Variants in PAK3 observed in about 807,000 individuals in gnomAD.
The protein encoded by PAK3 is p21 (RAC1) activated kinase 3.
Under a neutral mutation model 41.0 loss-of-function variants are expected in PAK3, and 4 were observed. The ratio of observed to expected loss-of-function variants is 0.10; its 90% confidence interval spans 0.05 to 0.22. The LOEUF is 0.22. Among genes scored for constraint, PAK3 ranks in the 10% least tolerant of loss-of-function variants. The probability of loss-of-function intolerance (pLI) is 1.00; values close to 1 mark genes in which losing one functional copy is unlikely to be tolerated. For missense variants in PAK3, 205 were observed against 409.9 expected (o/e 0.50, Z 4.32); for synonymous variants, 146 against 139.6 (o/e 1.05, Z -0.32).
chrX:111,125,713 G>A lies in PAK3; in HGVS notation c.175+2435G>A, dbSNP rs144010855. 9.8e-3 allele frequency among the ~76,000 whole-genome samples: 1,086 copies of A among 111,353 alleles called. 19 individuals carry two copies. Among genetic ancestry groups the A allele is most frequent in the African/African-American group, 0.034 (1,031 of 30,689 alleles). On this transcript the variant is annotated intron_variant, in intron 5 of 17. Transcript: ENST00000372007. Reference sequence around the variant, plus strand: ...AAATCATGTGCCATTTAATACTGTTGCTGGACAGCTGATAAAACTACCTTC... The same window carrying A: ...AAATCATGTGCCATTTAATACTGTTACTGGACAGCTGATAAAACTACCTTC...
intron 4 of PAK3, among the ~76,000 whole-genome samples, chrX:111,105,150 T>C (rs974813582): frequency 3.6e-5 from 4 of 111,489 alleles, no homozygotes. Context: ...TTAGGTACAT[T>C]CACACTGCCA....
intron 1 of PAK3, among the ~76,000 whole-genome samples, chrX:111,044,806 T>C (rs1375410354): frequency 8.9e-6 from 1 of 112,360 alleles, no homozygotes; most frequent in Non-Finnish European, 1.9e-5. Context: ...TCTTGGAATG[T>C]GTTTAAGCAG....
intron 11 of PAK3, among the ~76,000 whole-genome samples, chrX:111,174,069 G>A (rs2094378310): frequency 9.0e-6 from 1 of 111,216 alleles, no homozygotes; most frequent in Non-Finnish European, 1.9e-5. Context: ...TGTGCTAGCC[G>A]ATCAGCCATT....
In PAK3 at chrX:111,226,467, G is replaced by A. The variant is rs1050569624; in HGVS notation, c.*6020G>A. ...GTGAAGTAGTGCTGGGCTTTCTAGA[G>A]TTTAATTCTCAAGTGGCACAAGATA... is the stretch of plus-strand genomic sequence containing the variant. On this transcript the variant is annotated 3_prime_UTR_variant, in exon 18 of 18. Coordinates refer to ENST00000372007, the MANE Select transcript of PAK3 (RefSeq NM_002578.5). 8.9e-6 allele frequency: 1 copy of A among 112,166 alleles called. No individual in the cohort carries two copies. The highest frequency in any genetic ancestry group is 9.5e-5 in the Admixed American group (1 of 10,568). The allele number at this position is 112,166 out of a possible 1,213,427, so 9.2% of individuals were successfully genotyped here.
intron 1 of PAK3, among the ~76,000 whole-genome samples, chrX:110,954,947 C>T (rs905810239): frequency 2.7e-5 from 3 of 111,022 alleles, no homozygotes; most frequent in African/African-American, 9.8e-5. Context: ...TAAAGGGAGC[C>T]TGGGTGGGGG....
Position 110,951,186 on chromosome X carries a change from T to C in PAK3, c.-28+6558T>C, listed in dbSNP as rs535940838. Among the ~76,000 whole-genome samples, 29 of 112,335 alleles carry C rather than the reference T, an allele frequency of 2.6e-4. No individual in the cohort carries two copies. The South Asian group carries it at 0.01, about 40-fold the overall frequency. On this transcript the variant is annotated intron_variant, in intron 1 of 14. Coordinates refer to the PAK3 transcript ENST00000425146. ...TCTCCTTCTTTTGAGTTGTTCTTTCTGCTTCTGATAATGAGGATCTCTAAA... is the reference window on the plus strand; with the variant it reads ...TCTCCTTCTTTTGAGTTGTTCTTTCCGCTTCTGATAATGAGGATCTCTAAA...
intron 1 of PAK3, among the ~76,000 whole-genome samples, chrX:110,971,201 C>T (rs1185894771): frequency 7.1e-5 from 8 of 112,079 alleles, no homozygotes; most frequent in African/African-American, 2.6e-4. Flanking sequence ...TTATTCAGTG[C>T]TCTCAAAATA....
intron 1 of PAK3, among the ~76,000 whole-genome samples, chrX:111,040,039 A>AAAG (rs2092439231): frequency 7.0e-5 from 7 of 100,102 alleles, no homozygotes; most frequent in South Asian, 4.9e-4. Context: ...AAGAAAGAAA[A>AAAG]AAAAATGTCT....
chrX:111,057,589 A>G (rs913707195), intron 1 of PAK3, among the ~76,000 whole-genome samples: 6 of 111,819 alleles, frequency 5.4e-5, no homozygotes, highest in East Asian at 2.8e-4. Flanking sequence ...TTAACATTCA[A>G]ATTTCCTCAG....
chrX:110,981,125 T>C lies in PAK3; in HGVS notation c.-28+36497T>C, dbSNP rs769752591. On this transcript the variant is annotated intron_variant, in intron 1 of 14. Transcript: ENST00000425146. ...ATAACATTTGCTTCTGAGGCCTTCATTTTGGGGTACTGTTTTCTGAGCTCC... is the reference window on the plus strand; with the variant it reads ...ATAACATTTGCTTCTGAGGCCTTCACTTTGGGGTACTGTTTTCTGAGCTCC... 7.2e-5 allele frequency among the ~76,000 whole-genome samples: 8 copies of C among 111,346 alleles called. No individual in the cohort carries two copies. In the South Asian group the frequency reaches 3.1e-3, roughly 43 times the overall value.
intron 4 of PAK3, among the ~76,000 whole-genome samples, chrX:111,111,028 A>T (rs2093362363): frequency 9.0e-6 from 1 of 111,665 alleles, no homozygotes; most frequent in African/African-American, 3.3e-5. Context: ...TTGGTGTTCC[A>T]CAGAGATCTG....
chrX:111,081,342 C>T (rs748690047), intron 1 of PAK3, among the ~76,000 whole-genome samples: 1 of 110,973 alleles, frequency 9.0e-6, no homozygotes, highest in South Asian at 3.9e-4. Flanking sequence ...AACCCCATCT[C>T]TACAAAAAAA....
intron 1 of PAK3, among the ~76,000 whole-genome samples, chrX:111,089,937 G>A (rs764532032): frequency 5.4e-5 from 6 of 110,753 alleles, no homozygotes; most frequent in South Asian, 8.0e-4. Flanking sequence ...CCTATGTAGC[G>A]TCCGTAGCAC....
At chrX:111,083,123 G>C (rs1408482520) in intron 1 of PAK3, among the ~76,000 whole-genome samples, 3 of 112,560 alleles carry the variant, frequency 2.7e-5, no homozygotes, top group Non-Finnish European at 3.8e-5. Flanking sequence ...AAACGCAAAA[G>C]GTAAGTTTAT....
intron 1 of PAK3, among the ~76,000 whole-genome samples, chrX:110,949,478 T>A (rs943499830): frequency 8.9e-6 from 1 of 111,756 alleles, no homozygotes; most frequent in African/African-American, 3.2e-5. Flanking sequence ...ACTGATGCAC[T>A]CCCCAGAGAA....
At chrX:110,988,443 GAC>G (rs1426201684) in intron 1 of PAK3, among the ~76,000 whole-genome samples, 3 of 111,923 alleles carry the variant, frequency 2.7e-5, no homozygotes, top group Admixed American at 9.5e-5. Context: ...TAAATATAAA[GAC>G]AGTTATATTT....
chrX:111,043,467 T>C (rs187887685), intron 1 of PAK3, among the ~76,000 whole-genome samples: 1 of 111,658 alleles, frequency 9.0e-6, no homozygotes, highest in Non-Finnish European at 1.9e-5. Flanking sequence ...TCTGAAGTCT[T>C]TGAGGGTCTG....
chrX:110,993,768 A>T (rs1281111161), intron 1 of PAK3, among the ~76,000 whole-genome samples: 1 of 111,691 alleles, frequency 9.0e-6, no homozygotes, highest in Non-Finnish European at 1.9e-5. Flanking sequence ...TGTTTTTTCC[A>T]ATTATAAGGT....
At chrX:110,953,224 G>T (rs185049069) in intron 1 of PAK3, among the ~76,000 whole-genome samples, 107 of 111,922 alleles carry the variant, frequency 9.6e-4, no homozygotes, top group African/African-American at 3.0e-3. Context: ...AAGAGGCAAA[G>T]AGAGTCAGTA....
Sources: gnomAD v4.1 joint callset for allele counts (sites outside exome capture counted in the v4.1 genomes callset) on GRCh38, gnomAD v4.1.1 for gene constraint, MANE v1.5 for transcripts, NCBI Gene and HGNC (gene_info 2026-07-23, HGNC 2026-07-21) for gene names.